SEC14L3: variants seen among roughly 807,000 people sequenced by gnomAD.
The protein encoded by SEC14L3 is SEC14 like lipid binding 3.
A neutral mutation model predicts 57.4 loss-of-function variants in SEC14L3; 56 were observed. That is an observed-to-expected ratio of 0.97 (90% CI 0.79 to 1.22). The LOEUF is 1.22. Among genes scored for constraint, SEC14L3 ranks in the 50% most tolerant of loss-of-function variants. SEC14L3 has a pLI of 0.00. For synonymous variants in SEC14L3, 173 were observed against 194.4 expected (o/e 0.89, Z 0.92); for missense variants, 485 against 511.7 (o/e 0.95, Z 0.50).
chr22:30,464,734 T>G, intron 8 of SEC14L3, 86 bp downstream of exon 8: 1 of 1,218,738 alleles, frequency 8.2e-7, no homozygotes, highest in Non-Finnish European at 1.2e-6. Context: ...CCCAACCTAA[T>G]GTGTGGAGTT....
chr22:30,448,579 A>T (rs1934921587), exon 13 of SEC14L3: 1 of 152,240 alleles, frequency 6.6e-6, no homozygotes, highest in Non-Finnish European at 1.5e-5. Flanking sequence ...AAAAAAAAAA[A>T]AAAAAAGCCC....
chr22:30,456,407 A>G (rs1297076904), downstream of SEC14L3, among the ~76,000 whole-genome samples: 9 of 151,978 alleles, frequency 5.9e-5, no homozygotes, highest in Admixed American at 6.6e-5. Context: ...TGCAGGATGT[A>G]CAGAAAGCAT....
At chr22:30,463,530 G>T (rs1399004225) in intron 8 of SEC14L3, among the ~76,000 whole-genome samples, 1 of 152,218 alleles carries the variant, frequency 6.6e-6, no homozygotes, top group Non-Finnish European at 1.5e-5. Context: ...TAGAAGGCAT[G>T]AGCCTGGACC....
At chr22:30,469,711 C>A (rs1274157244) in intron 4 of SEC14L3, among the ~76,000 whole-genome samples, 1 of 152,204 alleles carries the variant, frequency 6.6e-6, no homozygotes. Context: ...TAAATCCCAG[C>A]CCTACCTTGG....
chr22:30,456,299 C>CAAAAA (rs61284271), downstream of SEC14L3, among the ~76,000 whole-genome samples: 16 of 95,918 alleles, frequency 1.7e-4, no homozygotes, highest in East Asian at 2.8e-4. Flanking sequence ...ACCCTGTCTC[C>CAAAAA]AAAAAAAAAA....
rs746518045 is a variant in SEC14L3 at position 30,460,023 on chromosome 22, A to G, written c.1201T>C (p.Ter401GlnextTer13). ...TCTCTGAGAAATGAGGGAGCCACCT[A>G]GACAGGGGTGAGCTCCTTATCATAT... ...QKYDKELTPV[*>Q] Residue 401 changes from the stop codon to glutamine (Q), a stop_lost, in exon 12 of 12, where the codon TAG becomes CAG. Transcript: ENST00000215812. The G allele has an allele frequency of 5.6e-6, 9 of 1,614,050 alleles. No homozygotes were observed. Among genetic ancestry groups the G allele is most frequent in the Non-Finnish European group, 6.8e-6 (8 of 1,179,934 alleles).
At position 30,462,106 on chromosome 22, in the gene SEC14L3, TC is replaced by T. The variant is rs1935287212; in HGVS notation, c.750del (p.Asn251ThrfsTer5). 1 of 1,614,010 alleles carries T rather than the reference TC, an allele frequency of 6.2e-7. No individual in the cohort carries two copies. The highest frequency in any genetic ancestry group is 1.3e-5 in the African/African-American group (1 of 74,898). ...QFGGTLTDPD[G>X]NPKCLTKINY... is the part of the protein sequence containing the mutation. ...TGTACCTTGGTTAAACATTTGGGGT[TC>T]CCATCTGGGTCAGTCAGGGTGCCCC... is the stretch of plus-strand genomic sequence containing the variant. On this transcript the variant is annotated frameshift_variant, in exon 9 of 12. Transcript: ENST00000215812. LOFTEE classifies it high-confidence loss of function.
chr22:30,460,632 G>T (rs760043061), intron 11 of SEC14L3, among the ~76,000 whole-genome samples: 1 of 152,030 alleles, frequency 6.6e-6, no homozygotes, highest in Non-Finnish European at 1.5e-5. Flanking sequence ...TCAGGAGTTC[G>T]AGAGCAGCCT....
intron 8 of SEC14L3, 49 bp from the exon 9 acceptor site, chr22:30,462,241 A>C: frequency 6.4e-7 from 1 of 1,561,226 alleles, no homozygotes; most frequent in Non-Finnish European, 8.7e-7. Flanking sequence ...GGGGGCACCA[A>C]TTAGCCTCCC....
Position 30,462,078 on chromosome 22 carries a change from C to A in SEC14L3, c.771+8G>T. 1 of 1,613,786 alleles carries A rather than the reference C, an allele frequency of 6.2e-7. No individual in the cohort carries two copies. Among genetic ancestry groups the A allele is most frequent in the East Asian group, 2.2e-5 (1 of 44,876 alleles). The stretch of plus-strand genomic sequence containing the variant: ...ACCTCTCTTGTCCCAGGGAAGGGCT[C>A]TTTGTACCTTGGTTAAACATTTGGG... On this transcript the variant is annotated splice_region_variant and intron_variant, in intron 9 of 11. Transcript: ENST00000215812.
Position 30,461,423 on chromosome 22 carries a change from T to C in SEC14L3, c.968A>G (p.Lys323Arg). 6.2e-7 allele frequency: 1 copy of C among 1,614,128 alleles called. No homozygotes were observed. The change falls in exon 11 of 12, where the codon AAG becomes AGG. Residue 323 changes from lysine to arginine, a missense_variant. By Grantham distance (26) the Lys-to-Arg change is conservative. Transcript: ENST00000215812. Reference protein sequence around the residue: ...DIGFGVFLKTKMGERQRAGEM... With the variant: ...DIGFGVFLKTRMGERQRAGEM... ...CCCTGCCCGCTGTCGCTCCCCCATC[T>C]TGGTCTTCAGGAAAACTCCGAAGCC...
chr22:30,467,086 A>T lies in SEC14L3; in HGVS notation c.424-9T>A, dbSNP rs1935442127. 6.2e-7 allele frequency: 1 copy of T among 1,614,008 alleles called. No homozygotes were observed. Among genetic ancestry groups the T allele is most frequent in the Non-Finnish European group, 8.5e-7 (1 of 1,179,926 alleles). On this transcript the variant is annotated splice_polypyrimidine_tract_variant and intron_variant, in intron 5 of 11. Coordinates refer to ENST00000215812, the MANE Select transcript of SEC14L3 (RefSeq NM_174975.5). ...TCAATCTTCTTCCCTAGCTGCAAGG[A>T]TGAGAGCAAGAAGTAGTTCTGGAGT...
intron 12 of SEC14L3, among the ~76,000 whole-genome samples, chr22:30,452,014 AAAG>A (rs1934995349): frequency 1.1e-4 from 16 of 147,330 alleles, no homozygotes; most frequent in East Asian, 4.1e-4. Flanking sequence ...AAAAAAGAAA[AAAG>A]AAAAGAAAAG....
At position 30,460,152 on chromosome 22, in the gene SEC14L3, A is replaced by C. The variant is rs1419663850; in HGVS notation, c.1082-10T>G. On this transcript the variant is annotated splice_polypyrimidine_tract_variant and intron_variant, in intron 11 of 11. Coordinates refer to ENST00000215812, the MANE Select transcript of SEC14L3 (RefSeq NM_174975.5). ...TCGAAGCGTAGGACATCTGGGGGAC[A>C]GATGGAAAGAGGGGCATTGGGCTTG... The C allele has an allele frequency of 1.2e-6, 2 of 1,613,268 alleles. No individual in the cohort carries two copies.
intron 12 of SEC14L3, among the ~76,000 whole-genome samples, chr22:30,449,553 CTTTTCTT>C (rs2146078647): frequency 7.0e-6 from 1 of 142,830 alleles, no homozygotes; most frequent in East Asian, 2.0e-4. Flanking sequence ...TTTTTCTTTT[CTTTTCTT>C]TTCTTTTCTT....
chr22:30,461,584 G>A lies in SEC14L3; in HGVS notation c.882C>T (p.Tyr294=), dbSNP rs746192510. The part of the protein sequence containing the change: ...INRGSSHQVE[Y]EILFPGCVLR... ...GAACGCAGCCTGGAAATAGGATCTC[G>A]TATTCCACTTGGTGTGATGAGCCGC... Residue 294 remains tyrosine (Y), a synonymous_variant, in exon 10 of 12, where the codon TAC becomes TAT. Coordinates refer to ENST00000215812, the MANE Select transcript of SEC14L3 (RefSeq NM_174975.5). 7.1e-5 allele frequency: 115 copies of A among 1,613,976 alleles called. No individual in the cohort carries two copies. Among genetic ancestry groups the A allele is most frequent in the Middle Eastern group, 1.6e-4 (1 of 6,084 alleles).
chr22:30,456,318 A>C (rs940513127), downstream of SEC14L3, among the ~76,000 whole-genome samples: 20 of 146,322 alleles, frequency 1.4e-4, no homozygotes, highest in Non-Finnish European at 2.0e-4. Flanking sequence ...AAAAAAAAAA[A>C]CAAACACCAA....
In SEC14L3 at chr22:30,461,359, G is replaced by A; in HGVS notation, c.1032C>T (p.Ala344=). ...TDVLPSQRYN[A]HMVPEDGNLT... Reference sequence around the variant, plus strand: ...GGTTCCCATCCTCGGGCACCATGTGGGCGTTATAGCGCTGGCTGGGTAGAA... The same window carrying A: ...GGTTCCCATCCTCGGGCACCATGTGAGCGTTATAGCGCTGGCTGGGTAGAA... The change falls in exon 11 of 12, where the codon GCC becomes GCT. Residue 344 remains alanine (A), a synonymous_variant. Transcript: ENST00000215812. 1 of 1,613,260 alleles carries A rather than the reference G, an allele frequency of 6.2e-7. No individual in the cohort carries two copies. Among genetic ancestry groups the A allele is most frequent in the Non-Finnish European group, 8.5e-7 (1 of 1,179,530 alleles).
intron 9 of SEC14L3, 105 bp from the exon 10 acceptor site, chr22:30,461,799 C>A: frequency 1.4e-6 from 2 of 1,453,896 alleles, no homozygotes; most frequent in Admixed American, 2.0e-5. Flanking sequence ...CCTCTTCATC[C>A]TAGCCCCACT....
Sources: gnomAD v4.1 joint callset for allele counts (sites outside exome capture counted in the v4.1 genomes callset) on GRCh38, gnomAD v4.1.1 for gene constraint, MANE v1.5 for transcripts, NCBI Gene and HGNC (gene_info 2026-07-23, HGNC 2026-07-21) for gene names.